Variants in MOCOS observed in about 807,000 individuals in gnomAD.
The protein encoded by MOCOS is molybdenum cofactor sulfurase, also known as human molybdenum cofactor sulfurase.
Under a neutral mutation model 83.6 loss-of-function variants are expected in MOCOS, and 86 were observed. The observed-to-expected ratio is 1.03, with a 90% CI of 0.86 to 1.23. MOCOS has a LOEUF of 1.23. Ranked by LOEUF, MOCOS falls within the 50% of genes most tolerant of loss-of-function variation. The probability of loss-of-function intolerance (pLI) is 0.00; values close to 1 mark genes in which losing one functional copy is unlikely to be tolerated. For missense variants in MOCOS, 1,120 were observed against 1,126.9 expected (o/e 0.99, Z 0.09); for synonymous variants, 445 against 434.7 (o/e 1.02, Z -0.29).
At chr18:36,216,493 G>A (rs930567054) in intron 8 of MOCOS, among the ~76,000 whole-genome samples, 12 of 152,116 alleles carry the variant, frequency 7.9e-5, no homozygotes, top group African/African-American at 2.9e-4. Context: ...GATGAGTGGT[G>A]AGCATTTGAG....
At chr18:36,254,509 G>A (rs1434592121) in intron 11 of MOCOS, among the ~76,000 whole-genome samples, 2 of 150,194 alleles carry the variant, frequency 1.3e-5, no homozygotes, top group Non-Finnish European at 3.0e-5. Context: ...TATAGAGAGA[G>A]AGAGAGCGAG....
At chr18:36,251,056 T>C (rs2144140263) in intron 10 of MOCOS, 103 bp from the exon 11 acceptor site, 2 of 1,395,848 alleles carry the variant, frequency 1.4e-6, no homozygotes, top group Admixed American at 3.8e-5. Context: ...GCTCATGCAA[T>C]GTTTTGTTTT....
At chr18:36,216,643 C>T (rs1327295692) in intron 8 of MOCOS, among the ~76,000 whole-genome samples, 1 of 152,090 alleles carries the variant, frequency 6.6e-6, no homozygotes, top group Non-Finnish European at 1.5e-5. Flanking sequence ...AACCATCATG[C>T]CAATAATTGA....
chr18:36,257,128 G>A, intron 12 of MOCOS, 55 bp downstream of exon 12: 1 of 1,438,692 alleles, frequency 7.0e-7, no homozygotes, highest in Non-Finnish European at 9.8e-7. Context: ...GCCACTGGGA[G>A]CAGGGCCTGG....
chr18:36,202,840 C>A (rs2091419959), intron 4 of MOCOS, among the ~76,000 whole-genome samples: 1 of 152,084 alleles, frequency 6.6e-6, no homozygotes, highest in South Asian at 2.1e-4. Context: ...AGGGGAACTG[C>A]CATTTATAAA....
Position 36,199,977 on chromosome 18 carries a change from C to T in MOCOS, c.594C>T (p.Phe198=), listed in dbSNP as rs750499252. The T allele has an allele frequency of 1.2e-6, 2 of 1,614,278 alleles. No individual in the cohort carries two copies. Among genetic ancestry groups the T allele is most frequent in the South Asian group, 2.2e-5 (2 of 91,090 alleles). Residue 198 remains phenylalanine (F), a synonymous_variant, in exon 4 of 15, where the codon TTC becomes TTT. Coordinates refer to ENST00000261326, the MANE Select transcript of MOCOS (RefSeq NM_017947.4). The part of the protein sequence containing the change: ...SNPDCQLPHL[F]CYPAQSNFSG... Reference sequence around the variant, plus strand: ...CAGACTGCCAGCTGCCGCATCTCTTCTGCTACCCAGCTCAGAGTAACTTTT... The same window carrying T: ...CAGACTGCCAGCTGCCGCATCTCTTTTGCTACCCAGCTCAGAGTAACTTTT...
At chr18:36,197,450 AT>A (rs5824002) in intron 2 of MOCOS, among the ~76,000 whole-genome samples, 13,047 of 149,866 alleles carry the variant, frequency 0.087, 749 homozygotes, top group East Asian at 0.15. Context: ...GTGAGGAGAG[AT>A]TTTTTTTTTT....
chr18:36,210,426 C>T (rs983505332), intron 6 of MOCOS, among the ~76,000 whole-genome samples: 1 of 152,132 alleles, frequency 6.6e-6, no homozygotes, highest in African/African-American at 2.4e-5. Flanking sequence ...CCAGCCCTGA[C>T]ACTACTAAGA....
intron 12 of MOCOS, among the ~76,000 whole-genome samples, chr18:36,258,453 C>A (rs1211521928): frequency 1.3e-5 from 2 of 152,074 alleles, no homozygotes; most frequent in Non-Finnish European, 2.9e-5. Context: ...AAGTGCTAAT[C>A]CTCTTGTTGC....
chr18:36,247,718 C>T (rs1568065404), intron 9 of MOCOS, among the ~76,000 whole-genome samples: 1 of 152,152 alleles, frequency 6.6e-6, no homozygotes, highest in African/African-American at 2.4e-5. Context: ...CAACTTCTCA[C>T]CTTCTCACAC....
intron 9 of MOCOS, among the ~76,000 whole-genome samples, chr18:36,244,933 A>G (rs1055897341): frequency 1.1e-4 from 16 of 152,142 alleles, no homozygotes; most frequent in East Asian, 1.9e-4. Flanking sequence ...TGTCTGCTAT[A>G]AGAATAGCTA....
intron 9 of MOCOS, among the ~76,000 whole-genome samples, chr18:36,241,658 T>C (rs1456852921): frequency 2.0e-5 from 3 of 152,214 alleles, no homozygotes; most frequent in Admixed American, 2.0e-4. Flanking sequence ...CAATTTCACA[T>C]TACCCATCTG....
At chr18:36,253,089 G>A (rs2091627972) in intron 11 of MOCOS, among the ~76,000 whole-genome samples, 1 of 152,142 alleles carries the variant, frequency 6.6e-6, no homozygotes, top group Non-Finnish European at 1.5e-5. Flanking sequence ...TACCACCCTT[G>A]TAAATTATCT....
chr18:36,187,574 T>TGTGGACCTTCGCGGGTTCCCGGGACCC lies in MOCOS; in HGVS notation c.37_63dup (p.Trp13_Pro21dup). ...GCGGCGGCGGAGTCAGGGCGGGAGC[T>TGTGGACCTTCGCGGGTTCCCGGGACCC]GTGGACCTTCGCGGGTTCCCGGGAC... On this transcript the variant is annotated inframe_insertion, in exon 1 of 15. Coordinates refer to ENST00000261326, the MANE Select transcript of MOCOS (RefSeq NM_017947.4). 8.0e-7 allele frequency: 1 copy of TGTGGACCTTCGCGGGTTCCCGGGACCC among 1,246,600 alleles called. No individual in the cohort carries two copies. Among genetic ancestry groups the TGTGGACCTTCGCGGGTTCCCGGGACCC allele is most frequent in the Non-Finnish European group, 1.0e-6 (1 of 995,156 alleles). 77.2% of individuals were successfully genotyped at this position (1,246,600 alleles called of 1,614,324 possible).
chr18:36,224,457 CAT>C (rs1186576376), intron 9 of MOCOS, among the ~76,000 whole-genome samples: 1 of 152,102 alleles, frequency 6.6e-6, no homozygotes, highest in Non-Finnish European at 1.5e-5. Context: ...CTTGAGGTAA[CAT>C]GTTCTATTCC....
intron 6 of MOCOS, among the ~76,000 whole-genome samples, chr18:36,206,215 C>G (rs563413933): frequency 7.0e-6 from 1 of 142,556 alleles, no homozygotes; most frequent in Non-Finnish European, 1.5e-5. Flanking sequence ...GTACCTGGCA[C>G]TTTATTTTTA....
chr18:36,206,489 G>A (rs1598874495), intron 6 of MOCOS, among the ~76,000 whole-genome samples: 1 of 151,450 alleles, frequency 6.6e-6, no homozygotes, highest in East Asian at 2.0e-4. Flanking sequence ...CAGGTGATCT[G>A]CCCGCCTCAG....
At chr18:36,220,975 T>C (rs1009488236) in intron 9 of MOCOS, among the ~76,000 whole-genome samples, 1 of 152,166 alleles carries the variant, frequency 6.6e-6, no homozygotes, top group East Asian at 1.9e-4. Flanking sequence ...TTAGATGATG[T>C]CCTATTTACT....
intron 9 of MOCOS, among the ~76,000 whole-genome samples, chr18:36,244,155 TC>T (rs1337561994): frequency 6.6e-6 from 1 of 152,062 alleles, no homozygotes; most frequent in Non-Finnish European, 1.5e-5. Flanking sequence ...TCTTTTTTTT[TC>T]TGTTTGGTTT....
Sources: gnomAD v4.1 joint callset for allele counts (sites outside exome capture counted in the v4.1 genomes callset) on GRCh38, gnomAD v4.1.1 for gene constraint, MANE v1.5 for transcripts, NCBI Gene and HGNC (gene_info 2026-07-23, HGNC 2026-07-21) for gene names.